The following MEP1B variants were observed in gnomAD, a reference collection of about 807,000 sequenced individuals.
MEP1B encodes N-benzoyl-L-tyrosyl-P-amino-benzoic acid hydrolase subunit beta.
A neutral mutation model predicts 84.6 loss-of-function variants in MEP1B; 80 were observed. The ratio of observed to expected loss-of-function variants is 0.95; its 90% CI spans 0.79 to 1.14. MEP1B has a LOEUF of 1.14. MEP1B is among the 50% of genes most tolerant of loss of function. The pLI is 0.00. For missense variants in MEP1B, 766 were observed against 855.1 expected, an observed-to-expected ratio of 0.90 and a Z score of 1.30; for synonymous variants, 273 against 288.1, an observed-to-expected ratio of 0.95 and a Z score of 0.53.
intron 12 of MEP1B, 51 bp downstream of exon 12, chr18:32,215,312 C>A: frequency 8.4e-7 from 1 of 1,194,098 alleles, no homozygotes; most frequent in Non-Finnish European, 1.2e-6. Context: ...TTGTTGTGGC[C>A]ACTGATTATT....
At position 32,211,494 on chromosome 18, in the gene MEP1B, C is replaced by CTGTTT. The variant is rs1325927460; in HGVS notation, c.1135+779_1135+780insGTTTT. On this transcript the variant is annotated intron_variant, in intron 10 of 14. Coordinates refer to ENST00000269202, the MANE Select transcript of MEP1B (RefSeq NM_005925.3). ...AATGGCTGTCTTTATAAGACTGGTA[C>CTGTTT]TTCGGTTGTTTCACTTCCCAGCTTA... Among the ~76,000 whole-genome samples, 343 of 152,164 alleles carry CTGTTT rather than the reference C, an allele frequency of 2.3e-3. 1 individual carries two copies. The highest frequency in any genetic ancestry group is 7.7e-3 in the African/African-American group (321 of 41,506).
chr18:32,207,703 T>C (rs1256725900), intron 8 of MEP1B, among the ~76,000 whole-genome samples: 1 of 152,240 alleles, frequency 6.6e-6, no homozygotes, highest in East Asian at 1.9e-4. Flanking sequence ...TGTAGGAATA[T>C]GCCTCAGGCA....
intron 10 of MEP1B, 92 bp downstream of exon 10, chr18:32,210,808 G>A (rs2041019006): frequency 3.0e-6 from 3 of 998,736 alleles, no homozygotes; most frequent in Non-Finnish European, 4.6e-6. Context: ...ATAGGGCAGG[G>A]GCTACTGAGT....
At chr18:32,215,696 C>T (rs941451874) in intron 12 of MEP1B, among the ~76,000 whole-genome samples, 14 of 152,018 alleles carry the variant, frequency 9.2e-5, no homozygotes, top group East Asian at 3.9e-4. Flanking sequence ...TGGTGGCGGG[C>T]GCCTGTAGTC....
rs1017886833 is a variant in MEP1B, at chr18:32,215,621, G to A, written c.1759+360G>A. Among the ~76,000 whole-genome samples, 4 of 152,070 alleles carry A rather than the reference G, an allele frequency of 2.6e-5. No homozygotes were observed. In the East Asian group the frequency reaches 5.8e-4, roughly 22 times the overall value. ...GAGTGGATCACGAGGTCAGGAGATCGAGACCATCCTGGCTAACACGGTGAA... is the reference window on the plus strand; with the variant it reads ...GAGTGGATCACGAGGTCAGGAGATCAAGACCATCCTGGCTAACACGGTGAA... On this transcript the variant is annotated intron_variant, in intron 12 of 14. Transcript: ENST00000269202.
intron 12 of MEP1B, among the ~76,000 whole-genome samples, chr18:32,215,620 C>T (rs186249919): frequency 6.6e-6 from 1 of 151,988 alleles, no homozygotes; most frequent in Non-Finnish European, 1.5e-5. Flanking sequence ...GTCAGGAGAT[C>T]GAGACCATCC....
intron 14 of MEP1B, among the ~76,000 whole-genome samples, chr18:32,219,471 G>A (rs2041127278): frequency 6.6e-6 from 1 of 152,246 alleles, no homozygotes; most frequent in African/African-American, 2.4e-5. Flanking sequence ...GGCCTGGTAG[G>A]TCAACCTGAT....
intron 6 of MEP1B, 135 bp from the exon 7 acceptor site, chr18:32,204,047 A>T: frequency 1.4e-6 from 1 of 699,610 alleles, no homozygotes; most frequent in Non-Finnish European, 2.5e-6. Context: ...TATGAGAGAA[A>T]CGCACAGTGT....
At chr18:32,220,134 G>T in intron 14 of MEP1B, 97 bp from the exon 15 acceptor site, 1 of 1,155,848 alleles carries the variant, frequency 8.7e-7, no homozygotes, top group South Asian at 1.3e-5. Flanking sequence ...TGCTGATGGG[G>T]ACTTCATTTA....
intron 13 of MEP1B, 131 bp from the exon 14 acceptor site, chr18:32,217,630 G>C (rs1376825218): frequency 2.7e-6 from 2 of 749,886 alleles, no homozygotes; most frequent in African/African-American, 3.5e-5. Flanking sequence ...GTCCAGAGTG[G>C]GTAAAATAGT....
chr18:32,196,261 C>T lies in MEP1B; in HGVS notation c.250+776C>T. Reference sequence around the variant, plus strand: ...GATGCCTTTGAACTGCTCCAAGACGCTGGCCATGCTGGGGGCTGTGAAGTT... The same window carrying T: ...GATGCCTTTGAACTGCTCCAAGACGTTGGCCATGCTGGGGGCTGTGAAGTT... On this transcript the variant is annotated intron_variant, in intron 5 of 14. Coordinates refer to ENST00000269202, the MANE Select transcript of MEP1B (RefSeq NM_005925.3). This position sits in a 1 kb window ranked among gnomAD's most constrained non-coding sequence, Gnocchi z 4.4. 1 of 705,260 alleles carries T rather than the reference C, an allele frequency of 1.4e-6. No homozygotes were observed. The allele number at this position is 705,260 out of a possible 1,614,324, so 43.7% of individuals were successfully genotyped here. A position where few individuals can be genotyped will look rare whatever the true frequency, so the allele number is the denominator to read the frequency against.
chr18:32,204,498 C>A, intron 7 of MEP1B, 138 bp downstream of exon 7: 1 of 750,246 alleles, frequency 1.3e-6, no homozygotes, highest in Non-Finnish European at 2.2e-6. Context: ...AGCTTGAACT[C>A]ATTCTGAGTT....
At chr18:32,197,005 T>A (rs1330392525) in intron 5 of MEP1B, 2 of 200,978 alleles carry the variant, frequency 1.0e-5, no homozygotes, top group Admixed American at 1.2e-4. Flanking sequence ...GTTTACCCTA[T>A]GATCAATTAT....
At chr18:32,208,053 T>C in intron 8 of MEP1B, 66 bp from the exon 9 acceptor site, 3 of 1,540,740 alleles carry the variant, frequency 1.9e-6, no homozygotes, top group Non-Finnish European at 2.7e-6. Flanking sequence ...CTGTGATAAG[T>C]TCAGTTTTTG....
chr18:32,208,989 T>C (rs1169188609), intron 9 of MEP1B, among the ~76,000 whole-genome samples: 1 of 152,058 alleles, frequency 6.6e-6, no homozygotes, highest in African/African-American at 2.4e-5. Context: ...CAGAGGAAAG[T>C]AGATAGGGAG....
intron 2 of MEP1B, among the ~76,000 whole-genome samples, chr18:32,192,408 T>C (rs543662658): frequency 5.3e-5 from 8 of 152,226 alleles, no homozygotes; most frequent in East Asian, 3.9e-4. Context: ...CCGAAGTCAT[T>C]TGACATTCAA....
chr18:32,194,525 T>G (rs895462826), intron 4 of MEP1B, among the ~76,000 whole-genome samples: 5 of 151,914 alleles, frequency 3.3e-5, no homozygotes, highest in African/African-American at 9.7e-5. Flanking sequence ...TTTCCTCTCC[T>G]CTTATCTCAT....
chr18:32,216,828 A>G (rs951431781), intron 12 of MEP1B, among the ~76,000 whole-genome samples, 163 bp from the exon 13 acceptor site: 6 of 151,950 alleles, frequency 3.9e-5, no homozygotes, highest in Non-Finnish European at 8.8e-5. Context: ...TGAGCCTGGG[A>G]GCAAAGACCA....
intron 1 of MEP1B, among the ~76,000 whole-genome samples, chr18:32,191,510 G>A (rs1365501679): frequency 6.6e-6 from 1 of 151,954 alleles, no homozygotes; most frequent in African/African-American, 2.4e-5. Context: ...CGTGTGTAAA[G>A]TGAGCACTTA....
Sources: gnomAD v4.1 joint callset for allele counts (sites outside exome capture counted in the v4.1 genomes callset) on GRCh38, gnomAD v4.1.1 for gene constraint, Gnocchi (gnomAD v3.1) non-coding constraint, MANE v1.5 for transcripts, NCBI Gene and HGNC (gene_info 2026-07-23, HGNC 2026-07-21) for gene names.